ADGRL2: variants seen among roughly 807,000 people sequenced by gnomAD.
ADGRL2 encodes the protein calcium-independent alpha-latrotoxin receptor 2.
Under a neutral mutation model 157.4 loss-of-function variants are expected in ADGRL2, and 44 were observed. That is an observed-to-expected ratio of 0.28 (90% CI 0.22 to 0.36). The LOEUF is 0.36. Ranked by LOEUF, ADGRL2 falls within the 10% of genes least tolerant of loss-of-function variation. The probability of loss-of-function intolerance (pLI) is 1.00; values close to 1 mark genes in which losing one functional copy is unlikely to be tolerated. For missense variants in ADGRL2, 1,510 were observed against 1,768.9 expected, an observed-to-expected ratio of 0.85 and a Z score of 2.63; for synonymous variants, 585 against 624.7, an observed-to-expected ratio of 0.94 and a Z score of 0.95.
At chr1:81,456,372 C>T (rs2077807074) in intron 2 of ADGRL2, among the ~76,000 whole-genome samples, 1 of 151,954 alleles carries the variant, frequency 6.6e-6, no homozygotes, top group South Asian at 2.1e-4. Flanking sequence ...GTGTGTGCCA[C>T]CATATCCAGC....
At chr1:81,661,580 A>T (rs571594815) in intron 3 of ADGRL2, among the ~76,000 whole-genome samples, 3 of 152,296 alleles carry the variant, frequency 2.0e-5, no homozygotes, top group Admixed American at 6.5e-5. Flanking sequence ...AAACTTTTTT[A>T]AAAAATGACC....
chr1:81,673,925 A>G (rs2082930770), intron 3 of ADGRL2, among the ~76,000 whole-genome samples: 1 of 152,182 alleles, frequency 6.6e-6, no homozygotes, highest in African/African-American at 2.4e-5. Flanking sequence ...CTATGAATGA[A>G]TGCTTGTGGG....
At chr1:81,904,335 A>G (rs2094546443) in intron 2 of ADGRL2, among the ~76,000 whole-genome samples, 1 of 152,246 alleles carries the variant, frequency 6.6e-6, no homozygotes, top group African/African-American at 2.4e-5. Context: ...AGAAAAGAAC[A>G]TTAATGATTT....
chr1:81,834,952 T>G (rs1206529150), intron 1 of ADGRL2, among the ~76,000 whole-genome samples: 1 of 152,250 alleles, frequency 6.6e-6, no homozygotes, highest in East Asian at 1.9e-4. Context: ...ATAGAGGTCT[T>G]GATTGTGTGG....
At chr1:81,842,353 CTTTTT>C (rs71085377) in intron 2 of ADGRL2, among the ~76,000 whole-genome samples, 1 of 54,952 alleles carries the variant, frequency 1.8e-5, no homozygotes, top group Non-Finnish European at 3.0e-5. Context: ...TCTTTTAGCG[CTTTTT>C]TTTTTTTTTT....
chr1:81,973,577 A>C (rs945078190), intron 17 of ADGRL2, among the ~76,000 whole-genome samples: 8 of 152,238 alleles, frequency 5.3e-5, no homozygotes, highest in Non-Finnish European at 8.8e-5. Context: ...TTCAATTAGC[A>C]AAAGAAGTTA....
chr1:81,589,195 C>T (rs901226571), intron 3 of ADGRL2, among the ~76,000 whole-genome samples: 4 of 152,194 alleles, frequency 2.6e-5, no homozygotes, highest in Admixed American at 2.0e-4. Context: ...GACCAATGAA[C>T]TCCACGAGCA....
chr1:81,862,314 T>TA (rs1160507073), intron 2 of ADGRL2, among the ~76,000 whole-genome samples: 1 of 152,100 alleles, frequency 6.6e-6, no homozygotes, highest in Non-Finnish European at 1.5e-5. Flanking sequence ...AAAAAGAAAT[T>TA]AAAAAAAGCA....
intron 2 of ADGRL2, among the ~76,000 whole-genome samples, chr1:81,446,477 A>C (rs1570989149): frequency 6.6e-6 from 1 of 152,204 alleles, no homozygotes; most frequent in East Asian, 1.9e-4. Flanking sequence ...CCAATAGTCC[A>C]TGTTGCCACT....
chr1:81,647,995 G>A (rs2148826687), intron 3 of ADGRL2, among the ~76,000 whole-genome samples: 1 of 152,160 alleles, frequency 6.6e-6, no homozygotes. Flanking sequence ...TTCTTTTCAG[G>A]CAACCTCCAC....
chr1:81,847,942 T>G (rs1351638477), intron 2 of ADGRL2, among the ~76,000 whole-genome samples: 1 of 130,948 alleles, frequency 7.6e-6, no homozygotes, highest in Non-Finnish European at 1.7e-5. Context: ...ATTCCTTGGC[T>G]TATCAGCACC....
At chr1:81,861,834 G>A (rs2093398582) in intron 2 of ADGRL2, among the ~76,000 whole-genome samples, 1 of 151,720 alleles carries the variant, frequency 6.6e-6, no homozygotes, top group Non-Finnish European at 1.5e-5. Context: ...AGTGAACTGA[G>A]ATTGCACCAC....
At chr1:81,309,314 A>T (rs549585929) in intron 1 of ADGRL2, among the ~76,000 whole-genome samples, 28 of 152,308 alleles carry the variant, frequency 1.8e-4, no homozygotes, top group Admixed American at 1.4e-3. Flanking sequence ...ATAGGTAATA[A>T]CTTAAATTTG....
At chr1:81,703,504 G>A (rs1345271421) in intron 1 of ADGRL2, among the ~76,000 whole-genome samples, 2 of 152,114 alleles carry the variant, frequency 1.3e-5, no homozygotes, top group Admixed American at 6.6e-5. Context: ...AGGTGGAGGC[G>A]AGGAAAGTTA....
chr1:81,897,389 A>G (rs1021073483), intron 2 of ADGRL2, among the ~76,000 whole-genome samples: 25 of 152,094 alleles, frequency 1.6e-4, no homozygotes, highest in African/African-American at 6.0e-4. Flanking sequence ...TGTGGCATAT[A>G]TTATTTTTAA....
intron 1 of ADGRL2, among the ~76,000 whole-genome samples, chr1:81,812,766 G>A (rs1440813531): frequency 6.6e-6 from 1 of 151,692 alleles, no homozygotes; most frequent in Non-Finnish European, 1.5e-5. Context: ...AAAAACGATC[G>A]CTTTGGCTTA....
chr1:81,518,824 C>T (rs1235220772), intron 2 of ADGRL2, among the ~76,000 whole-genome samples: 2 of 151,276 alleles, frequency 1.3e-5, no homozygotes, highest in East Asian at 1.9e-4. Flanking sequence ...GTATTTATCT[C>T]TTTAGTTTGT....
At chr1:81,658,358 G>T (rs940538645) in intron 3 of ADGRL2, among the ~76,000 whole-genome samples, 15 of 152,308 alleles carry the variant, frequency 9.8e-5, no homozygotes, top group African/African-American at 2.9e-4. Context: ...GCCTCCCAAA[G>T]TGTTGGGATT....
At chr1:81,713,915 A>G (rs2084020624) in intron 1 of ADGRL2, among the ~76,000 whole-genome samples, 2 of 152,208 alleles carry the variant, frequency 1.3e-5, no homozygotes, top group African/African-American at 2.4e-5. Flanking sequence ...TTATAAAGAA[A>G]AAAAGGTTTA....
Sources: gnomAD v4.1 joint callset for allele counts (sites outside exome capture counted in the v4.1 genomes callset) on GRCh38, gnomAD v4.1.1 for gene constraint, MANE v1.5 for transcripts, NCBI Gene and HGNC (gene_info 2026-07-23, HGNC 2026-07-21) for gene names.